Variants in ADAD2 observed in about 807,000 individuals in gnomAD.
ADAD2 encodes the protein adenosine deaminase domain-containing protein 2.
ADAD2 carries 60 observed loss-of-function variants against 54.5 expected under a neutral mutation model. The observed-to-expected ratio is 1.10, with a 90% CI of 0.89 to 1.36. The LOEUF is 1.36. ADAD2 is among the 40% of genes most tolerant of loss of function. The probability of loss-of-function intolerance (pLI) is 0.00; values close to 1 mark genes in which losing one functional copy is unlikely to be tolerated. For synonymous variants in ADAD2, 543 were observed against 366.2 expected, an observed-to-expected ratio of 1.48 and a Z score of -5.51; for missense variants, 1,103 against 801.3, an observed-to-expected ratio of 1.38 and a Z score of -4.54.
chr16:84,194,423 C>T lies in ADAD2; in HGVS notation c.419-19C>T, dbSNP rs2089698366. 3.1e-6 allele frequency: 5 copies of T among 1,598,444 alleles called. No individual in the cohort carries two copies. Among genetic ancestry groups the T allele is most frequent in the East Asian group, 2.2e-5 (1 of 44,658 alleles). On this transcript the variant is annotated intron_variant, in intron 1 of 9. Transcript: ENST00000315906. ...GGCGAAGGCCAGGGGGCTGCTTCCT[C>T]ACCTGGCTCCTTCCCCAGGTCCCTG...
chr16:84,194,829 G>C (rs564366975), intron 2 of ADAD2, 104 bp from the exon 3 acceptor site: 2 of 1,356,588 alleles, frequency 1.5e-6, no homozygotes, highest in Non-Finnish European at 2.0e-6. Flanking sequence ...GTAATGTCCT[G>C]TGTCTGGAAG....
chr16:84,194,746 G>A, intron 2 of ADAD2, 164 bp downstream of exon 2: 2 of 1,347,592 alleles, frequency 1.5e-6, no homozygotes, highest in Non-Finnish European at 1.0e-6. Flanking sequence ...CTGGGGCGGG[G>A]TACATGTGCC....
chr16:84,192,445 G>C (rs2089667867), intron 1 of ADAD2: 1 of 152,322 alleles, frequency 6.6e-6, no homozygotes, highest in Admixed American at 6.5e-5. Context: ...CACCACACTT[G>C]GCCCAGAGTT....
chr16:84,197,111 G>A lies in ADAD2; in HGVS notation c.*137G>A. 1 of 854,802 alleles carries A rather than the reference G, an allele frequency of 1.2e-6. No homozygotes were observed. Among genetic ancestry groups the A allele is most frequent in the Non-Finnish European group, 1.8e-6 (1 of 554,080 alleles). 53.0% of individuals were successfully genotyped at this position (854,802 alleles called of 1,614,324 possible). On this transcript the variant is annotated 3_prime_UTR_variant, in exon 10 of 10. Transcript: ENST00000315906. ...GGCTGGAGGGAAGGAGGAGCCTGCT[G>A]TGGTTGGGAGGCGGCTGCTGCACGT...
chr16:84,191,210 C>G lies in ADAD2; in HGVS notation c.-21C>G. On this transcript the variant is annotated 5_prime_UTR_variant, in exon 1 of 10. Transcript: ENST00000315906. ...AGCAGCGCGAGATAGGGCCTAGCGC[C>G]TCAGATCTTCGTTGGCGGCCATGGC... 1 of 1,604,980 alleles carries G rather than the reference C, an allele frequency of 6.2e-7. No homozygotes were observed.
intron 1 of ADAD2, chr16:84,193,367 C>T (rs2089681960): frequency 1.3e-5 from 2 of 152,146 alleles, no homozygotes; most frequent in Admixed American, 1.3e-4. Flanking sequence ...TCTTTCACAA[C>T]ATTGATGTCT....
chr16:84,196,472 G>C (rs557023831), intron 8 of ADAD2, 102 bp downstream of exon 8: 1 of 725,014 alleles, frequency 1.4e-6, no homozygotes, highest in Non-Finnish European at 1.9e-6. Context: ...CAACCCCTTC[G>C]CTCAACCCCT....
At position 84,196,710 on chromosome 16, in the gene ADAD2, G is replaced by T; in HGVS notation, c.1590G>T (p.Ala530=). ...CCTTTCTCCGGGCCTTTCACCAGGC[G>T]GCCAGGGCTGTGGGGAAGCCCTACC... The part of the protein sequence containing the change: ...KASFLRAFHQ[A]ARAVGKPYLL... The change falls in exon 9 of 10, where the codon GCG becomes GCT. Residue 530 remains alanine, a synonymous_variant. Coordinates refer to ENST00000315906, the MANE Select transcript of ADAD2 (RefSeq NM_001145400.2). 3 of 1,613,150 alleles carry T rather than the reference G, an allele frequency of 1.9e-6. No homozygotes were observed. The highest frequency in any genetic ancestry group is 1.7e-6 in the Non-Finnish European group (2 of 1,179,970).
chr16:84,191,201 GC>G lies in ADAD2; in HGVS notation c.-28del. ...AAGGGCGAGAGCAGCGCGAGATAGGGCCTAGCGCCTCAGATCTTCGTTGGCG... is the reference window on the plus strand; with the variant it reads ...AAGGGCGAGAGCAGCGCGAGATAGGGCTAGCGCCTCAGATCTTCGTTGGCG... On this transcript the variant is annotated 5_prime_UTR_variant, in exon 1 of 10. Coordinates refer to ENST00000315906, the MANE Select transcript of ADAD2 (RefSeq NM_001145400.2). The G allele has an allele frequency of 6.2e-7, 1 of 1,600,628 alleles. No homozygotes were observed. Among genetic ancestry groups the G allele is most frequent in the Non-Finnish European group, 8.5e-7 (1 of 1,172,396 alleles).
chr16:84,195,485 G>A (rs186696978), intron 5 of ADAD2, 39 bp downstream of exon 5: 9 of 1,605,094 alleles, frequency 5.6e-6, no homozygotes, highest in East Asian at 2.2e-5. Context: ...AGCAGCCTTC[G>A]CCAGGACAAG....
intron 1 of ADAD2, chr16:84,192,001 A>C: frequency 7.3e-6 from 3 of 413,530 alleles, no homozygotes; most frequent in Non-Finnish European, 9.1e-6. Flanking sequence ...AGATACCGAA[A>C]TGGGAGCCAC....
intron 8 of ADAD2, 88 bp from the exon 9 acceptor site, chr16:84,196,559 T>C: frequency 6.4e-7 from 1 of 1,569,172 alleles, no homozygotes; most frequent in Middle Eastern, 1.7e-4. Context: ...ATTGTCACAG[T>C]GTGAGAGGAG....
In ADAD2 at chr16:84,197,149, AAAG is replaced by A. The variant is rs2089743020; in HGVS notation, c.*179_*181del. The A allele has an allele frequency of 6.5e-6, 4 of 611,984 alleles. No homozygotes were observed. Among genetic ancestry groups the A allele is most frequent in the South Asian group, 3.9e-5 (2 of 51,412 alleles). 37.9% of individuals were successfully genotyped at this position (611,984 alleles called of 1,614,324 possible). A position where few individuals can be genotyped will look rare whatever the true frequency, so the allele number is the denominator to read the frequency against. On this transcript the variant is annotated 3_prime_UTR_variant, in exon 10 of 10. Transcript: ENST00000315906. ...GGCTGCTGCACGTTTGGGCTTGAAT[AAAG>A]AAGTATTTCTGGTTCCTGTGTGTGT...
rs747914587 is a variant in ADAD2 at position 84,191,244 on chromosome 16, C to T, written c.14C>T (p.Ser5Phe). Residue 5 changes from serine to phenylalanine, a missense_variant, in exon 1 of 10, where the codon TCT becomes TTT. Coordinates refer to ENST00000315906, the MANE Select transcript of ADAD2 (RefSeq NM_001145400.2). ...TCGTTGGCGGCCATGGCTTCGGCTT[C>T]TCAGGGCGCTGACGACGACGGCAGT... MASA[S>F]QGADDDGSRR... The T allele has an allele frequency of 2.5e-6, 4 of 1,608,048 alleles. No homozygotes were observed. The highest frequency in any genetic ancestry group is 1.7e-5 in the Admixed American group (1 of 59,744).
At chr16:84,193,820 G>T in intron 1 of ADAD2, 1 of 590,180 alleles carries the variant, frequency 1.7e-6, no homozygotes, top group Non-Finnish European at 2.9e-6. Context: ...TCTCAGCGCA[G>T]TGGGGAGTGC....
In ADAD2 at chr16:84,196,899, G is replaced by T; in HGVS notation, c.1677G>T (p.Gln559His). The stretch of plus-strand genomic sequence containing the variant: ...GGCCCTACCAGGAGGCTCGCAGGCA[G>T]CTGTCTCTCCTCCTGGACCAGCAGG... Reference protein sequence around the residue: ...KAGPYQEARRQLSLLLDQQGL... With the variant: ...KAGPYQEARRHLSLLLDQQGL... The change falls in exon 10 of 10, where the codon CAG (glutamine) becomes CAT (histidine). Residue 559 changes from glutamine to histidine, a missense_variant. Coordinates refer to ENST00000315906, the MANE Select transcript of ADAD2 (RefSeq NM_001145400.2). 2 of 1,595,990 alleles carry T rather than the reference G, an allele frequency of 1.3e-6. No homozygotes were observed. Among genetic ancestry groups the T allele is most frequent in the Admixed American group, 3.5e-5 (2 of 56,918 alleles).
Position 84,195,611 on chromosome 16 carries a change from G to T in ADAD2, c.966G>T (p.Gly322=). 2 of 1,605,204 alleles carry T rather than the reference G, an allele frequency of 1.2e-6. No individual in the cohort carries two copies. The highest frequency in any genetic ancestry group is 1.1e-5 in the South Asian group (1 of 90,100). ...KEQSVLAPQP[G]PGPPFTLKPR... The stretch of plus-strand genomic sequence containing the variant: ...AGTCCGTGCTGGCCCCCCAGCCAGG[G>T]CCCGGACCCCCATTCACCCTCAAGC... Residue 322 remains glycine, a synonymous_variant, in exon 6 of 10, where the codon GGG becomes GGT. Transcript: ENST00000315906.
At position 84,195,606 on chromosome 16, in the gene ADAD2, C is replaced by T. The variant is rs1036102053; in HGVS notation, c.961C>T (p.Pro321Ser). The T allele has an allele frequency of 6.2e-7, 1 of 1,604,814 alleles. No homozygotes were observed. The highest frequency in any genetic ancestry group is 8.5e-7 in the Non-Finnish European group (1 of 1,176,026). ...GGAGCAGTCCGTGCTGGCCCCCCAG[C>T]CAGGGCCCGGACCCCCATTCACCCT... ...GKEQSVLAPQ[P>S]GPGPPFTLKP... is the part of the protein sequence containing the mutation. Residue 321 changes from proline to serine, a missense_variant, in exon 6 of 10, where the codon CCA becomes TCA. Transcript: ENST00000315906.
In ADAD2 at chr16:84,196,893, C is replaced by A; in HGVS notation, c.1671C>A (p.Arg557=). The part of the protein sequence containing the change: ...AAKAGPYQEA[R]RQLSLLLDQQ... Reference sequence around the variant, plus strand: ...AGGCTGGGCCCTACCAGGAGGCTCGCAGGCAGCTGTCTCTCCTCCTGGACC... The same window carrying A: ...AGGCTGGGCCCTACCAGGAGGCTCGAAGGCAGCTGTCTCTCCTCCTGGACC... The change falls in exon 10 of 10, where the codon CGC becomes CGA. Residue 557 remains arginine, a synonymous_variant. Transcript: ENST00000315906. 1 of 1,594,794 alleles carries A rather than the reference C, an allele frequency of 6.3e-7. No individual in the cohort carries two copies. The highest frequency in any genetic ancestry group is 8.5e-7 in the Non-Finnish European group (1 of 1,171,360).
Sources: allele counts gnomAD v4.1 joint callset, GRCh38; gene constraint gnomAD v4.1.1; transcripts MANE v1.5; gene names NCBI Gene and HGNC (gene_info 2026-07-23, HGNC 2026-07-21).